Variants in KIF7 observed in about 807,000 individuals in gnomAD.
The protein encoded by KIF7 is kinesin-like protein KIF7.
Under a neutral mutation model 135.7 loss-of-function variants are expected in KIF7, and 104 were observed. The ratio of observed to expected loss-of-function variants is 0.77; its 90% confidence interval spans 0.65 to 0.90. KIF7 has a LOEUF of 0.90. KIF7 is among the 40% of genes least tolerant of loss of function. KIF7 has a pLI of 0.00. For synonymous variants in KIF7, 883 were observed against 809.4 expected, an observed-to-expected ratio of 1.09 and a Z score of -1.54; for missense variants, 2,005 against 1,839.1, an observed-to-expected ratio of 1.09 and a Z score of -1.65.
chr15:89,621,541 A>G, intron 1 of KIF7: 1 of 1,611,172 alleles, frequency 6.2e-7, no homozygotes, highest in South Asian at 1.1e-5. Context: ...AGGTACCTGC[A>G]GCTTACCAGG....
intron 1 of KIF7, among the ~76,000 whole-genome samples, chr15:89,620,492 G>A (rs2141980551): frequency 6.6e-6 from 1 of 152,228 alleles, no homozygotes; most frequent in East Asian, 1.9e-4. Context: ...ACAAGTGTGA[G>A]CCACCACACC....
At chr15:89,626,115 A>G (rs1233395468), downstream of KIF7, 5 of 1,592,262 alleles carry the variant, frequency 3.1e-6, no homozygotes, top group African/African-American at 6.8e-5. Flanking sequence ...GTCTGAATTC[A>G]CCAGGGTTGC....
At chr15:89,621,980 C>CT (rs777496678) in intron 1 of KIF7, among the ~76,000 whole-genome samples, 1 of 82,760 alleles carries the variant, frequency 1.2e-5, no homozygotes, top group East Asian at 2.8e-4. Flanking sequence ...TACAAACTGA[C>CT]TCTTTTTTTT....
chr15:89,654,643 C>T (rs1207427067), intron 1 of KIF7, among the ~76,000 whole-genome samples: 1 of 152,158 alleles, frequency 6.6e-6, no homozygotes, highest in Non-Finnish European at 1.5e-5. Flanking sequence ...AGGCAGGGAC[C>T]CTCTGGGTCC....
chr15:89,647,001 C>T lies in KIF7; in HGVS notation c.1617G>A (p.Glu539=), dbSNP rs933699813. ...GGCCCCCCCAGCCTGGCCGCACCAGCTCTAACCGCAGCCGCAGTTCCACCA... is the reference window on the plus strand; with the variant it reads ...GGCCCCCCCAGCCTGGCCGCACCAGTTCTAACCGCAGCCGCAGTTCCACCA... The part of the protein sequence containing the change: ...EEMVELRLRL[E]LVRPGWGGPR... Residue 539 remains glutamate, a synonymous_variant, in exon 7 of 19, where the codon GAG becomes GAA. Coordinates refer to ENST00000394412, the MANE Select transcript of KIF7 (RefSeq NM_198525.3). 2.5e-6 allele frequency: 4 copies of T among 1,612,552 alleles called. No individual in the cohort carries two copies. Among genetic ancestry groups the T allele is most frequent in the Non-Finnish European group, 2.5e-6 (3 of 1,179,548 alleles).
downstream of KIF7, chr15:89,625,418 G>A: frequency 6.2e-7 from 1 of 1,614,024 alleles, no homozygotes; most frequent in Non-Finnish European, 8.5e-7. Flanking sequence ...TCCGGGAGGG[G>A]CGAGGTCGGT....
intron 11 of KIF7, among the ~76,000 whole-genome samples, chr15:89,634,952 G>T (rs928298880): frequency 6.6e-6 from 1 of 152,146 alleles, no homozygotes; most frequent in African/African-American, 2.4e-5. Context: ...AGAGAGCAGG[G>T]GTTCTCCCAG....
downstream of KIF7, chr15:89,625,315 C>T (rs762466707): frequency 2.0e-5 from 33 of 1,613,966 alleles, 1 homozygote; most frequent in Middle Eastern, 4.9e-4. Context: ...TCCTTGGACA[C>T]CATCCCCCAA....
downstream of KIF7, chr15:89,624,678 C>G (rs757271602): frequency 9.3e-6 from 15 of 1,614,098 alleles, no homozygotes; most frequent in East Asian, 3.3e-4. Flanking sequence ...CTCCTCTGCT[C>G]ATTACAAGTG....
intron 1 of KIF7, among the ~76,000 whole-genome samples, chr15:89,654,357 C>T (rs1438007083): frequency 6.7e-6 from 1 of 150,012 alleles, no homozygotes; most frequent in African/African-American, 2.4e-5. Context: ...AGCCTTAAAT[C>T]AGGCCCTGCC....
In KIF7 at chr15:89,628,468, A is replaced by C. The variant is rs1176466407; in HGVS notation, c.3983T>G (p.Leu1328Arg). The C allele has an allele frequency of 6.2e-7, 1 of 1,610,310 alleles. No homozygotes were observed. Among genetic ancestry groups the C allele is most frequent in the Non-Finnish European group, 8.5e-7 (1 of 1,178,236 alleles). The change falls in exon 19 of 19, where the codon CTG becomes CGG. Residue 1328 changes from leucine (L) to arginine (R), a missense_variant. Physicochemically the swap from Leu to Arg is moderately radical, Grantham distance 102. Transcript: ENST00000394412. Reference protein sequence around the residue: ...FGPLSKPRRELRRASPGMIDV... With the variant: ...FGPLSKPRRERRRASPGMIDV... ...AATCATCCCCGGGCTGGCTCGTCGC[A>C]GTTCCCGCCGGGGCTTGGACAAAGG...
At chr15:89,621,900 A>G (rs908128661) in intron 1 of KIF7, among the ~76,000 whole-genome samples, 28 of 151,816 alleles carry the variant, frequency 1.8e-4, no homozygotes, top group African/African-American at 6.3e-4. Flanking sequence ...CACCAACATT[A>G]GAAACCTGGG....
At position 89,633,210 on chromosome 15, in the gene KIF7, C is replaced by A. The variant is rs765751072; in HGVS notation, c.2649G>T (p.Glu883Asp). 4.8e-5 allele frequency: 77 copies of A among 1,598,576 alleles called. 1 individual carries two copies. In the South Asian group the frequency reaches 8.4e-4, roughly 17 times the overall value. ...GCCTCTTCCTCTGGAATGCCGCGAT[C>A]TCTTCCGTCTTAATCTTCAGGATCT... ...QQKILKIKTEEIAAFQRKRRS... is the reference protein window; with the variant it reads ...QQKILKIKTEDIAAFQRKRRS... The change falls in exon 13 of 19, where the codon GAG becomes GAT. Residue 883 changes from glutamate to aspartate, a missense_variant. Coordinates refer to ENST00000394412, the MANE Select transcript of KIF7 (RefSeq NM_198525.3).
intron 1 of KIF7, among the ~76,000 whole-genome samples, chr15:89,620,883 C>T (rs1386321265): frequency 6.6e-6 from 1 of 151,980 alleles, no homozygotes; most frequent in African/African-American, 2.4e-5. Flanking sequence ...CCACCACGCC[C>T]AGCTAAATTT....
intron 11 of KIF7, among the ~76,000 whole-genome samples, chr15:89,638,389 C>A (rs1963853742): frequency 6.8e-6 from 1 of 147,978 alleles, no homozygotes. Flanking sequence ...GATTGTATAT[C>A]TAGAAAACCC....
chr15:89,631,916 C>T (rs573374674), intron 14 of KIF7, among the ~76,000 whole-genome samples: 1 of 152,320 alleles, frequency 6.6e-6, no homozygotes, highest in South Asian at 2.1e-4. Context: ...CAGAGGGGCA[C>T]TCAGAGATGG....
chr15:89,633,130 C>A lies in KIF7; in HGVS notation c.2718+11G>T. 6.2e-7 allele frequency: 1 copy of A among 1,601,872 alleles called. No individual in the cohort carries two copies. Among genetic ancestry groups the A allele is most frequent in the Non-Finnish European group, 8.5e-7 (1 of 1,179,756 alleles). On this transcript the variant is annotated intron_variant, in intron 13 of 18. Coordinates refer to ENST00000394412, the MANE Select transcript of KIF7 (RefSeq NM_198525.3). ...AGGGGAGCCCTGGGTGCGGACACAGCCTGGCCCCACCTGCTGCTGTTCCAG... is the reference window on the plus strand; with the variant it reads ...AGGGGAGCCCTGGGTGCGGACACAGACTGGCCCCACCTGCTGCTGTTCCAG...
downstream of KIF7, chr15:89,624,491 G>A: frequency 6.2e-7 from 1 of 1,614,106 alleles, no homozygotes; most frequent in South Asian, 1.1e-5. Flanking sequence ...CCCAGAAGGA[G>A]CATCGTGGAG....
At chr15:89,640,763 A>G (rs1321945688) in intron 11 of KIF7, among the ~76,000 whole-genome samples, 1 of 151,578 alleles carries the variant, frequency 6.6e-6, no homozygotes, top group East Asian at 1.9e-4. Context: ...AGATAAGTGG[A>G]TCACCTGAGG....
Sources: allele counts gnomAD v4.1 joint callset (sites outside exome capture counted in the v4.1 genomes callset), GRCh38; gene constraint gnomAD v4.1.1; transcripts MANE v1.5; gene names NCBI Gene and HGNC (gene_info 2026-07-23, HGNC 2026-07-21).